Variants in ATP2B2 observed in about 807,000 individuals in gnomAD.
ATP2B2 encodes ATPase plasma membrane Ca2+ transporting 2.
A neutral mutation model predicts 120.0 loss-of-function variants in ATP2B2; 15 were observed. That is an observed-to-expected ratio of 0.12 (90% confidence interval 0.08 to 0.19). ATP2B2 has a LOEUF of 0.19. ATP2B2 is among the 10% of genes least tolerant of loss of function. ATP2B2 has a pLI of 1.00. For synonymous variants in ATP2B2, 694 were observed against 700.3 expected (o/e 0.99, Z 0.14); for missense variants, 1,045 against 1,719.8 (o/e 0.61, Z 6.94).
intron 22 of ATP2B2, among the ~76,000 whole-genome samples, chr3:10,336,658 G>C (rs1367636633): frequency 6.6e-6 from 1 of 152,160 alleles, no homozygotes; most frequent in Non-Finnish European, 1.5e-5. Flanking sequence ...TAGAGGGTGT[G>C]GTGGGGGTCC....
intron 3 of ATP2B2, among the ~76,000 whole-genome samples, chr3:10,517,266 T>A (rs2066895098): frequency 6.6e-6 from 1 of 152,164 alleles, no homozygotes; most frequent in Non-Finnish European, 1.5e-5. Context: ...CCTGCAAGTG[T>A]CACACTGGGC....
intron 18 of ATP2B2, 34 bp downstream of exon 18, chr3:10,345,350 C>A: frequency 4.3e-6 from 7 of 1,612,894 alleles, no homozygotes; most frequent in Non-Finnish European, 5.9e-6. Flanking sequence ...CTCCGCCCTC[C>A]CCCAGGCTTT....
intron 2 of ATP2B2, among the ~76,000 whole-genome samples, chr3:10,564,318 T>C (rs905706242): frequency 2.0e-5 from 3 of 152,180 alleles, no homozygotes; most frequent in Non-Finnish European, 4.4e-5. Flanking sequence ...TTAAATTTCT[T>C]CTGTTTGAAA....
intron 2 of ATP2B2, among the ~76,000 whole-genome samples, chr3:10,601,744 T>C (rs183675636): frequency 6.6e-6 from 1 of 152,300 alleles, no homozygotes; most frequent in African/African-American, 2.4e-5. Context: ...AGCTCACACC[T>C]GACATCAGCA....
chr3:10,648,311 C>T (rs1435655681), intron 1 of ATP2B2, among the ~76,000 whole-genome samples: 1 of 152,188 alleles, frequency 6.6e-6, no homozygotes, highest in African/African-American at 2.4e-5. Context: ...AACACCTTCC[C>T]GGCTTTCCTG....
intron 2 of ATP2B2, among the ~76,000 whole-genome samples, chr3:10,550,148 G>A (rs1379090665): frequency 6.6e-6 from 1 of 152,222 alleles, no homozygotes; most frequent in African/African-American, 2.4e-5. Flanking sequence ...AGAGAATAGA[G>A]CCTCTGAAAT....
chr3:10,704,304 T>C (rs189083341), intron 1 of ATP2B2, among the ~76,000 whole-genome samples: 3 of 152,346 alleles, frequency 2.0e-5, no homozygotes, highest in East Asian at 3.9e-4. Flanking sequence ...GCAAGTGGCA[T>C]ATGGCAGGGG....
intron 2 of ATP2B2, among the ~76,000 whole-genome samples, chr3:10,579,276 T>C (rs1388395036): frequency 2.0e-5 from 3 of 152,196 alleles, no homozygotes; most frequent in Non-Finnish European, 4.4e-5. Flanking sequence ...ATGGGAATAA[T>C]GAGCTTGCAG....
intron 2 of ATP2B2, among the ~76,000 whole-genome samples, chr3:10,442,219 G>A (rs888079316): frequency 1.3e-4 from 20 of 152,074 alleles, no homozygotes; most frequent in Admixed American, 1.1e-3. Context: ...GAGGCCCCGT[G>A]GAAATGCTGC....
At position 10,425,402 on chromosome 3, in the gene ATP2B2, T is replaced by C. The variant is rs138954343; in HGVS notation, c.200-14587A>G. On this transcript the variant is annotated intron_variant, in intron 2 of 22. Transcript: ENST00000360273. ...TATGAACTATAAGAAAATAAAGGTC[T>C]GTTTCCATATAACCTTTGGATGAAG... is the stretch of plus-strand genomic sequence containing the variant. Among the ~76,000 whole-genome samples the C allele has an allele frequency of 6.1e-3, 935 of 152,326 alleles. 5 individuals carry two copies. Among genetic ancestry groups the C allele is most frequent in the Middle Eastern group, 0.017 (5 of 294 alleles).
rs1479653862 is a variant in ATP2B2, at chr3:10,402,207, C to T, written c.539G>A (p.Arg180Gln). ...CTGCTCGATGCGGCTCTGCAGGCCC[C>T]GGAACTGTTTCTCTTTGCTCCAGTC... is the stretch of plus-strand genomic sequence containing the variant. ...FNDWSKEKQF[R>Q]GLQSRIEQEQ... Residue 180 changes from arginine to glutamine, a missense_variant, in exon 4 of 23, where the codon CGG (arginine) becomes CAG (glutamine). Transcript: ENST00000360273. This position sits in a 1 kb window ranked among gnomAD's most constrained non-coding sequence, Gnocchi z 4.9. The T allele has an allele frequency of 3.7e-6, 6 of 1,614,182 alleles. No homozygotes were observed. Among genetic ancestry groups the T allele is most frequent in the South Asian group, 2.2e-5 (2 of 91,076 alleles).
At chr3:10,556,122 A>G (rs928384633) in intron 2 of ATP2B2, among the ~76,000 whole-genome samples, 5 of 152,080 alleles carry the variant, frequency 3.3e-5, no homozygotes, top group Non-Finnish European at 7.4e-5. Flanking sequence ...CTGGTCTCAA[A>G]CTCCGGACCT....
At chr3:10,660,005 C>T (rs913859851) in intron 1 of ATP2B2, among the ~76,000 whole-genome samples, 10 of 152,136 alleles carry the variant, frequency 6.6e-5, no homozygotes, top group Admixed American at 1.3e-4. Flanking sequence ...CTACTGGATA[C>T]ATAACGAAAT....
At chr3:10,634,400 A>T (rs545040369) in intron 1 of ATP2B2, among the ~76,000 whole-genome samples, 2 of 152,326 alleles carry the variant, frequency 1.3e-5, no homozygotes, top group Admixed American at 1.3e-4. Flanking sequence ...GGCCGTGTCC[A>T]ATTCAGCCTT....
At chr3:10,554,911 C>T (rs1264803133) in intron 2 of ATP2B2, among the ~76,000 whole-genome samples, 2 of 152,202 alleles carry the variant, frequency 1.3e-5, no homozygotes, top group South Asian at 2.1e-4. Flanking sequence ...ACTGAGGCCA[C>T]CTGCCAGGGA....
intron 2 of ATP2B2, among the ~76,000 whole-genome samples, chr3:10,440,243 A>G (rs970011641): frequency 6.6e-6 from 1 of 151,584 alleles, no homozygotes; most frequent in African/African-American, 2.4e-5. Context: ...GCACTGGGGA[A>G]CCCAGTGTGA....
At chr3:10,671,935 A>G (rs896269849) in intron 1 of ATP2B2, among the ~76,000 whole-genome samples, 26 of 152,216 alleles carry the variant, frequency 1.7e-4, no homozygotes, top group Non-Finnish European at 3.5e-4. Context: ...TAATCAATAA[A>G]GCCAAAGTGA....
intron 5 of ATP2B2, among the ~76,000 whole-genome samples, chr3:10,399,099 A>T (rs1248393662): frequency 6.6e-6 from 1 of 152,014 alleles, no homozygotes; most frequent in East Asian, 1.9e-4. Context: ...CCTCTTCCCC[A>T]AACTGTCTGA....
intron 2 of ATP2B2, among the ~76,000 whole-genome samples, chr3:10,546,420 C>A (rs546749200): frequency 2.1e-4 from 32 of 152,332 alleles, no homozygotes; most frequent in Admixed American, 2.0e-3. Context: ...CCACCCTGCC[C>A]AGCCCCTCTG....
Sources: allele counts gnomAD v4.1 joint callset (sites outside exome capture counted in the v4.1 genomes callset), GRCh38; gene constraint gnomAD v4.1.1; non-coding constraint Gnocchi (gnomAD v3.1); transcripts MANE v1.5; gene names NCBI Gene and HGNC (gene_info 2026-07-23, HGNC 2026-07-21).